PALLD: variants seen among roughly 807,000 people sequenced by gnomAD.
PALLD encodes the protein palladin.
A neutral mutation model predicts 123.5 loss-of-function variants in PALLD; 61 were observed. The observed-to-expected ratio is 0.49, with a 90% CI of 0.40 to 0.61. The LOEUF is 0.61. Among genes scored for constraint, PALLD ranks in the 20% least tolerant of loss-of-function variants. The pLI is 0.00. For synonymous variants in PALLD, 465 were observed against 496.4 expected (o/e 0.94, Z 0.84); for missense variants, 1,273 against 1,377.0 (o/e 0.92, Z 1.20).
intron 2 of PALLD, among the ~76,000 whole-genome samples, chr4:168,622,286 C>A (rs1774837411): frequency 6.6e-6 from 1 of 152,168 alleles, no homozygotes; most frequent in South Asian, 2.1e-4. Context: ...CAAACTCAAT[C>A]CCGAATCACG....
intron 1 of PALLD, chr4:168,504,864 T>C (rs1056622807): frequency 3.2e-4 from 48 of 152,202 alleles, no homozygotes; most frequent in African/African-American, 1.1e-3. Flanking sequence ...GCGTTGGTGT[T>C]TACCTCATTT....
At chr4:168,500,775 G>A (rs1761321882) in intron 1 of PALLD, among the ~76,000 whole-genome samples, 1 of 152,020 alleles carries the variant, frequency 6.6e-6, no homozygotes, top group South Asian at 2.1e-4. Context: ...AACTTTAAAG[G>A]CAAATGGTAG....
intron 10 of PALLD, among the ~76,000 whole-genome samples, chr4:168,855,153 C>G (rs938819743): frequency 7.4e-6 from 1 of 135,194 alleles, no homozygotes; most frequent in African/African-American, 3.1e-5. Flanking sequence ...TGCAGTGGCG[C>G]GATCTTGGCT....
chr4:168,575,179 C>T (rs1769421574), intron 2 of PALLD, among the ~76,000 whole-genome samples: 1 of 152,002 alleles, frequency 6.6e-6, no homozygotes, highest in African/African-American at 2.4e-5. Flanking sequence ...CTTATAAAAC[C>T]GTAGATAACT....
intron 2 of PALLD, among the ~76,000 whole-genome samples, chr4:168,601,079 T>G (rs139452221): frequency 1.1e-4 from 16 of 148,654 alleles, no homozygotes; most frequent in African/African-American, 4.1e-4. Context: ...CTTCTGCAAG[T>G]TTGGATTTGC....
intron 10 of PALLD, among the ~76,000 whole-genome samples, chr4:168,745,506 A>G (rs1730168630): frequency 6.6e-6 from 1 of 151,754 alleles, no homozygotes; most frequent in Non-Finnish European, 1.5e-5. Context: ...TGGAATAGTT[A>G]GGGATGTAAC....
chr4:168,833,505 AGACATGGAAT>A (rs1488995266), intron 10 of PALLD, among the ~76,000 whole-genome samples: 4 of 152,156 alleles, frequency 2.6e-5, no homozygotes, highest in Non-Finnish European at 5.9e-5. Flanking sequence ...CAAGCTTCAG[AGACATGGAAT>A]AATATGATCC....
chr4:168,559,695 G>A (rs368023714), intron 2 of PALLD, among the ~76,000 whole-genome samples: 206 of 152,148 alleles, frequency 1.4e-3, no homozygotes, highest in African/African-American at 4.7e-3. Flanking sequence ...CCAGGAGGTC[G>A]AGACAGGCCT....
chr4:168,914,481 T>G (rs959468158), intron 16 of PALLD, among the ~76,000 whole-genome samples: 2 of 152,192 alleles, frequency 1.3e-5, no homozygotes, highest in Admixed American at 1.3e-4. Flanking sequence ...ATAAGACCAT[T>G]AGACTACAAA....
chr4:168,688,029 G>C (rs1028365902), intron 6 of PALLD, among the ~76,000 whole-genome samples: 2 of 152,182 alleles, frequency 1.3e-5, no homozygotes, highest in African/African-American at 4.8e-5. Flanking sequence ...CTGCAGGGCT[G>C]TTCCCTTCCT....
At chr4:168,850,293 C>T (rs915858197) in intron 10 of PALLD, among the ~76,000 whole-genome samples, 2 of 151,922 alleles carry the variant, frequency 1.3e-5, no homozygotes, top group African/African-American at 4.8e-5. Flanking sequence ...GCCCCTACTC[C>T]CCACCAAGAA....
chr4:168,888,954 T>A (rs1387317406), intron 10 of PALLD, among the ~76,000 whole-genome samples: 1 of 152,020 alleles, frequency 6.6e-6, no homozygotes. Flanking sequence ...CTTTACAGGA[T>A]CCTCAGAGTT....
chr4:168,821,736 C>T (rs1485936909), intron 10 of PALLD, among the ~76,000 whole-genome samples: 3 of 151,894 alleles, frequency 2.0e-5, no homozygotes, highest in African/African-American at 4.8e-5. Flanking sequence ...AAAAACTAGC[C>T]GGGCATGGTG....
chr4:168,832,107 C>A lies in PALLD; in HGVS notation c.1965-58815C>A, dbSNP rs1744312505. 5.1e-6 allele frequency: 5 copies of A among 985,330 alleles called. No individual in the cohort carries two copies. The South Asian group carries it at 1.9e-4, about 37-fold the overall frequency. The allele number at this position is 985,330 out of a possible 1,614,324, so 61.0% of individuals were successfully genotyped here. A position where few individuals can be genotyped will look rare whatever the true frequency, so the allele number is the denominator to read the frequency against. On this transcript the variant is annotated intron_variant, in intron 10 of 21. Transcript: ENST00000505667. Reference sequence around the variant, plus strand: ...CCCCGCGCCCGGTCCGCGGAGCCCGCTGCAGCTCCCGCTCGCTCCGGACGC... The same window carrying A: ...CCCCGCGCCCGGTCCGCGGAGCCCGATGCAGCTCCCGCTCGCTCCGGACGC...
At position 168,922,100 on chromosome 4, in the gene PALLD, TATACACAC is replaced by T. The variant is rs1282213110; in HGVS notation, c.3058+361_3058+368del. Reference sequence around the variant, plus strand: ...AGTTTTATATTTATATATATATATATATACACACACACACACACACACACACACACACA... The same window carrying T: ...AGTTTTATATTTATATATATATATATACACACACACACACACACACACACA... On this transcript the variant is annotated intron_variant, in intron 18 of 21. Coordinates refer to ENST00000505667, the MANE Select transcript of PALLD (RefSeq NM_001166108.2). Among the ~76,000 whole-genome samples, 824 of 96,588 alleles carry T rather than the reference TATACACAC, an allele frequency of 8.5e-3. 3 individuals carry two copies. The highest frequency in any genetic ancestry group is 0.024 in the African/African-American group (679 of 28,014). 63.4% of individuals were successfully genotyped at this position (96,588 alleles called of 152,430 possible).
chr4:168,722,384 A>G (rs1389013676), intron 10 of PALLD, among the ~76,000 whole-genome samples: 1 of 152,226 alleles, frequency 6.6e-6, no homozygotes, highest in Non-Finnish European at 1.5e-5. Context: ...CATTTACAGT[A>G]TAATCCATAC....
At chr4:168,913,821 T>C in intron 15 of PALLD, 106 bp from the exon 16 acceptor site, 2 of 842,232 alleles carry the variant, frequency 2.4e-6, no homozygotes, top group Non-Finnish European at 4.1e-6. Flanking sequence ...GCATACTGAA[T>C]TTTTTATGAA....
chr4:168,794,350 C>A (rs1212827313), intron 10 of PALLD, among the ~76,000 whole-genome samples: 5 of 152,222 alleles, frequency 3.3e-5, no homozygotes, highest in Non-Finnish European at 7.4e-5. Context: ...GAGGCCCTCC[C>A]ACTTCACTGA....
chr4:168,752,094 G>T (rs1052244854), intron 10 of PALLD, among the ~76,000 whole-genome samples: 1 of 152,204 alleles, frequency 6.6e-6, no homozygotes, highest in African/African-American at 2.4e-5. Flanking sequence ...TCAATTTCTT[G>T]TAGGCTGGGT....
Sources: allele counts gnomAD v4.1 joint callset (sites outside exome capture counted in the v4.1 genomes callset), GRCh38; gene constraint gnomAD v4.1.1; transcripts MANE v1.5; gene names NCBI Gene and HGNC (gene_info 2026-07-23, HGNC 2026-07-21).